Variants in FHOD3 observed in about 807,000 individuals in gnomAD.
The protein encoded by FHOD3 is FH1/FH2 domain-containing protein 3.
FHOD3 carries 90 observed loss-of-function variants against 173.0 expected under a neutral mutation model. The observed-to-expected ratio is 0.52, with a 90% CI of 0.44 to 0.62. The LOEUF is 0.62. FHOD3 is among the 20% of genes least tolerant of loss of function. The probability of loss-of-function intolerance (pLI) is 0.00; values close to 1 mark genes in which losing one functional copy is unlikely to be tolerated. For missense variants in FHOD3, 1,945 were observed against 2,034.7 expected (o/e 0.96, Z 0.85); for synonymous variants, 828 against 823.0 (o/e 1.01, Z -0.10).
chr18:36,576,346 A>G (rs2058648132), intron 5 of FHOD3, 105 bp from the exon 6 acceptor site: 6 of 681,020 alleles, frequency 8.8e-6, no homozygotes, highest in Admixed American at 6.6e-5. Flanking sequence ...GATTCTTAAC[A>G]TACTGTGTAC....
At position 36,652,761 on chromosome 18, in the gene FHOD3, C is replaced by T. The variant is rs1368027029; in HGVS notation, c.1478C>T (p.Ala493Val). The T allele has an allele frequency of 6.5e-7, 1 of 1,535,844 alleles. No homozygotes were observed. Among genetic ancestry groups the T allele is most frequent in the African/African-American group, 1.4e-5 (1 of 73,008 alleles). ...ATPSALLSPPASAARPSSATP... is the reference protein window; with the variant it reads ...ATPSALLSPPVSAARPSSATP... ...CCATCTGCCCTCCTGTCACCCCCTG[C>T]CTCAGCTGCTCGGCCCTCCTCCGCC... The change falls in exon 12 of 29, where the codon GCC (alanine) becomes GTC (valine). Residue 493 changes from alanine (A) to valine (V), a missense_variant. Coordinates refer to ENST00000590592, the MANE Select transcript of FHOD3 (RefSeq NM_001281740.3).
intron 3 of FHOD3, among the ~76,000 whole-genome samples, chr18:36,488,256 G>C (rs1568338436): frequency 6.6e-6 from 1 of 152,168 alleles, no homozygotes; most frequent in African/African-American, 2.4e-5. Context: ...TTTGACCCCA[G>C]CTAATGATCC....
At chr18:36,529,671 G>A (rs1371052860) in intron 5 of FHOD3, among the ~76,000 whole-genome samples, 4 of 151,988 alleles carry the variant, frequency 2.6e-5, no homozygotes, top group Non-Finnish European at 5.9e-5. Flanking sequence ...ATGGTGGTGA[G>A]CGCCTGTAAT....
At position 36,762,960 on chromosome 18, in the gene FHOD3, G is replaced by A. The variant is rs181493756; in HGVS notation, c.4624+2178G>A. ...TATATATAATATGTGTATTATATACGTTATATATGCGTATTATATACGTTA... is the reference window on the plus strand; with the variant it reads ...TATATATAATATGTGTATTATATACATTATATATGCGTATTATATACGTTA... On this transcript the variant is annotated intron_variant, in intron 27 of 28. Coordinates refer to ENST00000590592, the MANE Select transcript of FHOD3 (RefSeq NM_001281740.3). 3.5e-3 allele frequency among the ~76,000 whole-genome samples: 388 copies of A among 111,546 alleles called. 2 individuals carry two copies. The highest frequency in any genetic ancestry group is 0.011 in the African/African-American group (367 of 32,986). 73.2% of individuals were successfully genotyped at this position (111,546 alleles called of 152,430 possible).
intron 5 of FHOD3, among the ~76,000 whole-genome samples, chr18:36,569,634 A>G (rs1219139557): frequency 6.6e-6 from 1 of 152,170 alleles, no homozygotes; most frequent in African/African-American, 2.4e-5. Flanking sequence ...GAGAATACAT[A>G]TTACTTTCAA....
At chr18:36,562,028 A>ATTGTG (rs1448809999) in intron 5 of FHOD3, among the ~76,000 whole-genome samples, 1 of 145,976 alleles carries the variant, frequency 6.9e-6, no homozygotes, top group Non-Finnish European at 1.5e-5. Context: ...ATTGTATTGT[A>ATTGTG]TTTTTTGAGA....
intron 9 of FHOD3, among the ~76,000 whole-genome samples, chr18:36,616,223 T>A (rs2033184648): frequency 6.6e-6 from 1 of 152,188 alleles, no homozygotes; most frequent in African/African-American, 2.4e-5. Flanking sequence ...CTTAGCCCCC[T>A]CACCACCACG....
At chr18:36,707,154 A>G (rs1438454114) in intron 17 of FHOD3, among the ~76,000 whole-genome samples, 2 of 152,192 alleles carry the variant, frequency 1.3e-5, no homozygotes, top group Non-Finnish European at 2.9e-5. Context: ...CTGTGTGCCC[A>G]TTGGCTTCCT....
At chr18:36,338,940 A>C (rs2045468655) in intron 1 of FHOD3, among the ~76,000 whole-genome samples, 1 of 152,146 alleles carries the variant, frequency 6.6e-6, no homozygotes, top group Admixed American at 6.5e-5. Context: ...CACTGGCTAC[A>C]GAGGGGAAGT....
At chr18:36,687,505 A>G (rs529918492) in intron 16 of FHOD3, among the ~76,000 whole-genome samples, 4 of 152,198 alleles carry the variant, frequency 2.6e-5, no homozygotes, top group Admixed American at 6.5e-5. Flanking sequence ...CTTTTATGTC[A>G]CATGGTCAGC....
At chr18:36,654,240 A>G (rs2036258636) in intron 13 of FHOD3, among the ~76,000 whole-genome samples, 1 of 152,194 alleles carries the variant, frequency 6.6e-6, no homozygotes, top group Admixed American at 6.5e-5. Context: ...CCTTGAAGGA[A>G]GCTCCTTCAT....
chr18:36,551,217 A>T (rs1381145326), intron 5 of FHOD3, among the ~76,000 whole-genome samples: 1 of 152,146 alleles, frequency 6.6e-6, no homozygotes, highest in Non-Finnish European at 1.5e-5. Flanking sequence ...AAAACTGTTA[A>T]ACTGGGGTAA....
At chr18:36,734,422 C>T (rs1433001309) in intron 20 of FHOD3, among the ~76,000 whole-genome samples, 1 of 152,140 alleles carries the variant, frequency 6.6e-6, no homozygotes, top group African/African-American at 2.4e-5. Flanking sequence ...TTGTCACATG[C>T]CCCCTAGGAG....
intron 20 of FHOD3, among the ~76,000 whole-genome samples, chr18:36,732,651 C>T (rs148358154): frequency 6.6e-6 from 1 of 152,298 alleles, no homozygotes; most frequent in East Asian, 1.9e-4. Flanking sequence ...CAGACCGGAG[C>T]AGGGGACATG....
chr18:36,613,226 A>G (rs1293968054), intron 9 of FHOD3, among the ~76,000 whole-genome samples: 1 of 152,190 alleles, frequency 6.6e-6, no homozygotes, highest in African/African-American at 2.4e-5. Context: ...CATGAGCAGC[A>G]AGGAATGGCA....
At chr18:36,389,065 G>A (rs1457641534) in intron 3 of FHOD3, among the ~76,000 whole-genome samples, 1 of 152,150 alleles carries the variant, frequency 6.6e-6, no homozygotes, top group African/African-American at 2.4e-5. Context: ...TGCACGACGG[G>A]TTCGTGTTTT....
intron 10 of FHOD3, among the ~76,000 whole-genome samples, chr18:36,628,429 TG>T (rs1384608727): frequency 6.6e-6 from 1 of 152,230 alleles, no homozygotes; most frequent in Non-Finnish European, 1.5e-5. Context: ...GGTATTTTTT[TG>T]TTTGAGGTAA....
At chr18:36,553,840 A>T (rs149882584) in intron 5 of FHOD3, among the ~76,000 whole-genome samples, 2 of 152,342 alleles carry the variant, frequency 1.3e-5, no homozygotes, top group African/African-American at 4.8e-5. Flanking sequence ...ATGAACAGAC[A>T]CTTCTCAAAA....
At chr18:36,506,621 T>C (rs2055314009) in intron 4 of FHOD3, among the ~76,000 whole-genome samples, 1 of 152,240 alleles carries the variant, frequency 6.6e-6, no homozygotes, top group Non-Finnish European at 1.5e-5. Flanking sequence ...CATGAACCAA[T>C]GGCAAATTGA....
Sources: gnomAD v4.1 joint callset for allele counts (sites outside exome capture counted in the v4.1 genomes callset) on GRCh38, gnomAD v4.1.1 for gene constraint, MANE v1.5 for transcripts, NCBI Gene and HGNC (gene_info 2026-07-23, HGNC 2026-07-21) for gene names.